SFMBT2: variants seen among roughly 807,000 people sequenced by gnomAD.
SFMBT2 encodes the protein Scm like with four mbt domains 2.
Under a neutral mutation model 110.1 loss-of-function variants are expected in SFMBT2, and 38 were observed. The ratio of observed to expected loss-of-function variants is 0.35; its 90% confidence interval spans 0.27 to 0.45. The LOEUF is 0.45. Among genes scored for constraint, SFMBT2 ranks in the 20% least tolerant of loss-of-function variants. The pLI, the probability that SFMBT2 is intolerant of heterozygous loss-of-function variation, is 1.00. For synonymous variants in SFMBT2, 425 were observed against 425.4 expected (o/e 1.00, Z 0.01); for missense variants, 1,011 against 1,094.9 (o/e 0.92, Z 1.08).
At chr10:7,177,081 C>G (rs866868950) in intron 16 of SFMBT2, among the ~76,000 whole-genome samples, 65 of 152,158 alleles carry the variant, frequency 4.3e-4, no homozygotes, top group African/African-American at 1.5e-3. Flanking sequence ...TCCAGTCCCC[C>G]CAGCAACCCC....
intron 4 of SFMBT2, among the ~76,000 whole-genome samples, chr10:7,316,304 G>C (rs978997320): frequency 1.3e-5 from 2 of 152,136 alleles, no homozygotes; most frequent in African/African-American, 2.4e-5. Context: ...AAGATGCTAC[G>C]GCCAAGGGAT....
chr10:7,204,088 T>C (rs2692829), intron 12 of SFMBT2: 13,081 of 231,566 alleles, frequency 0.056, 432 homozygotes, highest in African/African-American at 0.1. Context: ...GTACACTCAA[T>C]GTTTTAGAAA....
rs763989275 is a variant in SFMBT2, at chr10:7,205,916, G to A, written c.1343C>T (p.Pro448Leu). 6.2e-7 allele frequency: 1 copy of A among 1,613,926 alleles called. No individual in the cohort carries two copies. The change falls in exon 12 of 21, where the codon CCT becomes CTT. Residue 448 changes from proline to leucine, a missense_variant. Physicochemically the swap from Pro to Leu is moderately conservative, Grantham distance 98 (BLOSUM62 -3). This residue lies in a region of SFMBT2 where 979 missense variants were observed against 1,016.1 expected (regional missense o/e 0.96). Coordinates refer to ENST00000397167, the MANE Select transcript of SFMBT2 (RefSeq NM_001387889.1). ...MWLHLEGLQTPVPEVIVDVES... is the reference protein window; with the variant it reads ...MWLHLEGLQTLVPEVIVDVES... Reference sequence around the variant, plus strand: ...CACATCAACAATGACCTCTGGAACAGGAGTCTGCAGCCCTGCATGGGAAGA... The same window carrying A: ...CACATCAACAATGACCTCTGGAACAAGAGTCTGCAGCCCTGCATGGGAAGA...
At chr10:7,243,355 G>A (rs1425241909) in intron 9 of SFMBT2, among the ~76,000 whole-genome samples, 2 of 152,218 alleles carry the variant, frequency 1.3e-5, no homozygotes, top group Non-Finnish European at 2.9e-5. Context: ...GTGGACAGAA[G>A]TGAGAAGCCC....
At chr10:7,406,861 T>C (rs1846224411) in intron 1 of SFMBT2, among the ~76,000 whole-genome samples, 1 of 151,690 alleles carries the variant, frequency 6.6e-6, no homozygotes, top group Non-Finnish European at 1.5e-5. Flanking sequence ...CAGAACAGAG[T>C]GGATGACCAC....
rs1414108064 is a variant in SFMBT2 at position 7,172,583 on chromosome 10, G to C, written c.2063C>G (p.Pro688Arg). 1 of 1,614,120 alleles carries C rather than the reference G, an allele frequency of 6.2e-7. No homozygotes were observed. Reference protein sequence around the residue: ...ESNPDSGHPKPARRRKRRKSI... With the variant: ...ESNPDSGHPKRARRRKRRKSI... Reference sequence around the variant, plus strand: ...TTTCCGTCGCTTCCTCCGCCTGGCGGGTTTGGGGTGTCCGCTGTCGGGGTT... The same window carrying C: ...TTTCCGTCGCTTCCTCCGCCTGGCGCGTTTGGGGTGTCCGCTGTCGGGGTT... Residue 688 changes from proline to arginine, a missense_variant, in exon 18 of 21, where the codon CCC (proline) becomes CGC (arginine). Pro to Arg is a moderately radical substitution (Grantham distance 103). Transcript: ENST00000397167. The surrounding 1 kb of genome is among the most constrained non-coding windows in gnomAD (Gnocchi z 4.6).
At chr10:7,322,362 G>A (rs377454179) in intron 4 of SFMBT2, among the ~76,000 whole-genome samples, 22 of 151,952 alleles carry the variant, frequency 1.4e-4, no homozygotes, top group African/African-American at 3.1e-4. Flanking sequence ...AAATTACCCC[G>A]TCTTGGATAT....
chr10:7,174,720 G>A (rs866035512), intron 17 of SFMBT2, among the ~76,000 whole-genome samples: 3 of 152,212 alleles, frequency 2.0e-5, no homozygotes, highest in Non-Finnish European at 4.4e-5. Flanking sequence ...GCGAGCCCTC[G>A]GTTAGGCCTT....
At chr10:7,361,346 C>G (rs1455320998) in intron 4 of SFMBT2, among the ~76,000 whole-genome samples, 2 of 152,186 alleles carry the variant, frequency 1.3e-5, no homozygotes, top group South Asian at 2.1e-4. Flanking sequence ...CCTAATTCTA[C>G]TTTTTGGAGT....
intron 4 of SFMBT2, among the ~76,000 whole-genome samples, chr10:7,339,171 C>T (rs1336782421): frequency 1.3e-5 from 2 of 152,054 alleles, no homozygotes; most frequent in East Asian, 1.9e-4. Flanking sequence ...ACCCGGGAGG[C>T]GGAGGTTGCA....
At chr10:7,315,107 A>AGAAAGAAAGAAAGAAG (rs1842971879) in intron 4 of SFMBT2, among the ~76,000 whole-genome samples, 1 of 141,178 alleles carries the variant, frequency 7.1e-6, no homozygotes, top group African/African-American at 2.6e-5. Context: ...AAAGAAAGAA[A>AGAAAGAAAGAAAGAAG]GAAAAAGCAA....
rs1402971156 is a variant in SFMBT2, at chr10:7,202,505, T to G, written c.1462A>C (p.Ile488Leu). ...HKTVSQKKRK[I>L]AVVQPEKQLP... Reference sequence around the variant, plus strand: ...TGTTTCTCTGGTTGCACGACTGCAATCTTTCTCTTCTTTTGTGCTGTAGAA... The same window carrying G: ...TGTTTCTCTGGTTGCACGACTGCAAGCTTTCTCTTCTTTTGTGCTGTAGAA... Residue 488 changes from isoleucine (I) to leucine (L), a missense_variant, in exon 13 of 21, where the codon ATT (isoleucine) becomes CTT (leucine). Physicochemically the swap from Ile to Leu is conservative, Grantham distance 5. This residue lies in a region of SFMBT2 where 979 missense variants were observed against 1,016.1 expected (regional missense o/e 0.96). Transcript: ENST00000397167. 2 of 1,614,214 alleles carry G rather than the reference T, an allele frequency of 1.2e-6. No homozygotes were observed. The highest frequency in any genetic ancestry group is 1.7e-6 in the Non-Finnish European group (2 of 1,180,040).
At chr10:7,400,518 C>T (rs999905698) in intron 1 of SFMBT2, among the ~76,000 whole-genome samples, 4 of 152,162 alleles carry the variant, frequency 2.6e-5, no homozygotes, top group Admixed American at 6.5e-5. Context: ...CCACAGCTGT[C>T]GGCTTCTATG....
chr10:7,183,530 GTCT>G (rs551015788), intron 16 of SFMBT2, among the ~76,000 whole-genome samples: 1 of 152,346 alleles, frequency 6.6e-6, no homozygotes, highest in East Asian at 1.9e-4. Flanking sequence ...ACAGCAAGAA[GTCT>G]TGTTGGAGCT....
intron 7 of SFMBT2, among the ~76,000 whole-genome samples, chr10:7,256,254 G>A (rs922812731): frequency 6.6e-5 from 10 of 152,042 alleles, no homozygotes; most frequent in African/African-American, 2.2e-4. Flanking sequence ...AACAGACCAC[G>A]GAACAAAGAC....
intron 7 of SFMBT2, among the ~76,000 whole-genome samples, chr10:7,274,547 T>A (rs1238406160): frequency 6.6e-6 from 1 of 152,164 alleles, no homozygotes; most frequent in African/African-American, 2.4e-5. Context: ...CCTGCTGCCA[T>A]GTGAAAAAGG....
At chr10:7,196,044 T>C (rs1224431945) in intron 15 of SFMBT2, among the ~76,000 whole-genome samples, 1 of 152,184 alleles carries the variant, frequency 6.6e-6, no homozygotes, top group African/African-American at 2.4e-5. Flanking sequence ...GAAAATGCCC[T>C]CTGACTTCCC....
chr10:7,229,127 T>C (rs928990284), intron 9 of SFMBT2, among the ~76,000 whole-genome samples: 7 of 152,166 alleles, frequency 4.6e-5, no homozygotes, highest in African/African-American at 1.2e-4. Context: ...GAAATCTACA[T>C]GAAGTAAATC....
At chr10:7,183,876 T>C (rs997868359) in intron 16 of SFMBT2, among the ~76,000 whole-genome samples, 8 of 152,220 alleles carry the variant, frequency 5.3e-5, no homozygotes, top group Admixed American at 4.6e-4. Context: ...CCCAAACGAC[T>C]GACCCACCCT....
Sources: allele counts gnomAD v4.1 joint callset (sites outside exome capture counted in the v4.1 genomes callset), GRCh38; gene constraint gnomAD v4.1.1; regional missense constraint gnomAD v4.1.1; non-coding constraint Gnocchi (gnomAD v3.1); transcripts MANE v1.5; gene names NCBI Gene and HGNC (gene_info 2026-07-23, HGNC 2026-07-21).